The following SNX27 variants were observed in gnomAD, a reference collection of about 807,000 sequenced individuals.
SNX27 encodes the protein sorting nexin-27.
In SNX27, 22 loss-of-function variants were observed where a neutral mutation model predicts 71.6. The ratio of observed to expected loss-of-function variants is 0.31; its 90% CI spans 0.22 to 0.44. The LOEUF (loss-of-function observed/expected upper bound fraction) is 0.44, where lower values mean the gene tolerates loss of function less well. Among genes scored for constraint, SNX27 ranks in the 20% least tolerant of loss-of-function variants. SNX27 has a pLI of 1.00. For missense variants in SNX27, 531 were observed against 698.6 expected (o/e 0.76, Z 2.70); for synonymous variants, 269 against 277.2 (o/e 0.97, Z 0.29).
At position 151,693,534 on chromosome 1, in the gene SNX27, A is replaced by C. The variant is rs1285472434; in HGVS notation, c.1578+51A>C. 6.2e-6 allele frequency: 10 copies of C among 1,613,104 alleles called. No homozygotes were observed. In the South Asian group the frequency reaches 1.1e-4, roughly 18 times the overall value. ...ACCTTTTCATCTTTTTGTTTCTTTAAAATTTATAGGCCTGTGGCCAAATAC... is the reference window on the plus strand; with the variant it reads ...ACCTTTTCATCTTTTTGTTTCTTTACAATTTATAGGCCTGTGGCCAAATAC... On this transcript the variant is annotated intron_variant, in intron 11 of 11. Transcript: ENST00000458013.
At chr1:151,688,623 C>A (rs1336367150) in intron 8 of SNX27, among the ~76,000 whole-genome samples, 3 of 129,622 alleles carry the variant, frequency 2.3e-5, no homozygotes, top group Non-Finnish European at 4.7e-5. Context: ...CAGAGTGAGA[C>A]TCTGTCTCAA....
intron 1 of SNX27, among the ~76,000 whole-genome samples, chr1:151,616,048 C>A (rs890526035): frequency 2.0e-5 from 3 of 152,190 alleles, no homozygotes; most frequent in Non-Finnish European, 4.4e-5. Context: ...AATTTTACTG[C>A]AGATGGAAAG....
At position 151,696,555 on chromosome 1, in the gene SNX27, C is replaced by A. The variant is rs539648079; in HGVS notation, c.*2138C>A. On this transcript the variant is annotated 3_prime_UTR_variant, in exon 12 of 12. Coordinates refer to ENST00000458013, the MANE Select transcript of SNX27 (RefSeq NM_001330723.2). ...TTTCTTTCTTTCTTTCTCTTTCTTT[C>A]TTTTGCTTTCCTTCTTTCATCTCTT... The A allele has an allele frequency of 2.0e-4, 28 of 140,602 alleles. No homozygotes were observed. The highest frequency in any genetic ancestry group is 7.4e-4 in the African/African-American group (28 of 37,590). 8.7% of individuals were successfully genotyped at this position (140,602 alleles called of 1,614,324 possible).
intron 8 of SNX27, among the ~76,000 whole-genome samples, chr1:151,687,623 T>G (rs1671238210): frequency 6.6e-6 from 1 of 152,074 alleles, no homozygotes; most frequent in Non-Finnish European, 1.5e-5. Context: ...TCACCTAAAG[T>G]GTTCTGCTCT....
intron 3 of SNX27, chr1:151,660,324 C>A (rs1271467049): frequency 4.0e-5 from 6 of 151,668 alleles, no homozygotes; most frequent in African/African-American, 1.5e-4. Flanking sequence ...AATTACCTAC[C>A]CCAGTTTTCC....
intron 8 of SNX27, among the ~76,000 whole-genome samples, chr1:151,690,388 G>A (rs1314914318): frequency 1.3e-5 from 2 of 151,970 alleles, no homozygotes; most frequent in East Asian, 1.9e-4. Flanking sequence ...TTTTTTAGCT[G>A]TCATTTATTA....
At chr1:151,675,192 C>T (rs1342371231) in intron 7 of SNX27, among the ~76,000 whole-genome samples, 2 of 151,706 alleles carry the variant, frequency 1.3e-5, no homozygotes, top group African/African-American at 4.8e-5. Flanking sequence ...CTTATATATC[C>T]GTGTTCCAGA....
chr1:151,631,273 C>T (rs1668219617), intron 1 of SNX27, among the ~76,000 whole-genome samples: 1 of 152,086 alleles, frequency 6.6e-6, no homozygotes, highest in Non-Finnish European at 1.5e-5. Flanking sequence ...TCTCATATGC[C>T]AGGGGTCTTT....
chr1:151,645,601 T>G (rs183944555), intron 2 of SNX27, among the ~76,000 whole-genome samples: 1 of 152,346 alleles, frequency 6.6e-6, no homozygotes, highest in East Asian at 1.9e-4. Context: ...ATACATGTGG[T>G]GTTTATTCTT....
chr1:151,682,556 T>TGTGATTCACCCGCCTC (rs1671014438), intron 7 of SNX27, among the ~76,000 whole-genome samples: 1 of 151,984 alleles, frequency 6.6e-6, no homozygotes, highest in Non-Finnish European at 1.5e-5. Flanking sequence ...CTCCTGACCT[T>TGTGATTCACCCGCCTC]GTGATTCACC....
At chr1:151,658,738 C>T (rs1234907123) in intron 3 of SNX27, among the ~76,000 whole-genome samples, 1 of 152,146 alleles carries the variant, frequency 6.6e-6, no homozygotes, top group Non-Finnish European at 1.5e-5. Context: ...GGCTGGAGTG[C>T]AGTGGCACGA....
Position 151,697,358 on chromosome 1 carries a change from A to T in SNX27, c.*2941A>T, listed in dbSNP as rs1429911625. 1 of 152,388 alleles carries T rather than the reference A, an allele frequency of 6.6e-6. No homozygotes were observed. Among genetic ancestry groups the T allele is most frequent in the South Asian group, 2.1e-4 (1 of 4,832 alleles). The allele number at this position is 152,388 out of a possible 1,614,324, so 9.4% of individuals were successfully genotyped here. On this transcript the variant is annotated 3_prime_UTR_variant, in exon 12 of 12. Transcript: ENST00000458013. The stretch of plus-strand genomic sequence containing the variant: ...GAATGCTGACCTTCAGACATGAGAC[A>T]TAGGGATTTGGAGGCCCCTTAGAAT...
intron 7 of SNX27, among the ~76,000 whole-genome samples, chr1:151,669,609 C>T (rs1181514073): frequency 6.6e-6 from 1 of 152,230 alleles, no homozygotes; most frequent in African/African-American, 2.4e-5. Flanking sequence ...CACAGCTGGC[C>T]TTCTGGGATT....
Position 151,692,602 on chromosome 1 carries a change from G to A in SNX27, c.1389+18G>A. 1 of 1,604,654 alleles carries A rather than the reference G, an allele frequency of 6.2e-7. No individual in the cohort carries two copies. Among genetic ancestry groups the A allele is most frequent in the Non-Finnish European group, 8.5e-7 (1 of 1,177,182 alleles). On this transcript the variant is annotated intron_variant, in intron 9 of 11. Transcript: ENST00000458013. The stretch of plus-strand genomic sequence containing the variant: ...AGCTGGAGGTGAGTTTTCAGCATAG[G>A]GCTCTGGCTGCGAGGACTGGAGATA...
intron 5 of SNX27, 24 bp from the exon 6 acceptor site, chr1:151,665,909 C>T: frequency 1.3e-6 from 2 of 1,569,330 alleles, no homozygotes; most frequent in South Asian, 1.2e-5. Flanking sequence ...TTTCTTGAAA[C>T]CAATCTATCC....
In SNX27 at chr1:151,614,686, T is replaced by C. The variant is rs552043396; in HGVS notation, c.311+2174T>C. On this transcript the variant is annotated intron_variant, in intron 1 of 11. Coordinates refer to ENST00000458013, the MANE Select transcript of SNX27 (RefSeq NM_001330723.2). Reference sequence around the variant, plus strand: ...ATTTGTGGCTGATGTTTTCTTCCAATAGAAGGTCTCAGAATTGTCACTTTC... The same window carrying C: ...ATTTGTGGCTGATGTTTTCTTCCAACAGAAGGTCTCAGAATTGTCACTTTC... Among the ~76,000 whole-genome samples the C allele has an allele frequency of 3.3e-5, 5 of 152,360 alleles. No homozygotes were observed. In the South Asian group the frequency reaches 8.3e-4, roughly 25 times the overall value.
chr1:151,672,588 G>A (rs1421041792), intron 7 of SNX27, among the ~76,000 whole-genome samples: 1 of 151,976 alleles, frequency 6.6e-6, no homozygotes, highest in South Asian at 2.1e-4. Flanking sequence ...TTCTTTAAAT[G>A]TCTGATAGAA....
At chr1:151,671,465 C>T (rs11577975) in intron 7 of SNX27, among the ~76,000 whole-genome samples, 1 of 151,986 alleles carries the variant, frequency 6.6e-6, no homozygotes, top group African/African-American at 2.4e-5. Context: ...GCTTGAACTC[C>T]TAGGCTCAAG....
chr1:151,692,432 T>TTTTTACC lies in SNX27; in HGVS notation c.1240-3_1240-2insTTTTACC. 1 of 1,452,072 alleles carries TTTTTACC rather than the reference T, an allele frequency of 6.9e-7. No individual in the cohort carries two copies. Among genetic ancestry groups the TTTTTACC allele is most frequent in the Non-Finnish European group, 9.1e-7 (1 of 1,101,930 alleles). 89.9% of individuals were successfully genotyped at this position (1,452,072 alleles called of 1,614,324 possible). A position where few individuals can be genotyped will look rare whatever the true frequency, so the allele number is the denominator to read the frequency against. On this transcript the variant is annotated splice_polypyrimidine_tract_variant and splice_region_variant and intron_variant, in intron 8 of 11. Coordinates refer to ENST00000458013, the MANE Select transcript of SNX27 (RefSeq NM_001330723.2). The stretch of plus-strand genomic sequence containing the variant: ...TTTTTTTTTTTTTTTTTTTTTTTTT[T>TTTTTACC]AGTACCTCAACATGCTAAGGACTTG...
Sources: allele counts gnomAD v4.1 joint callset (sites outside exome capture counted in the v4.1 genomes callset), GRCh38; gene constraint gnomAD v4.1.1; transcripts MANE v1.5; gene names NCBI Gene and HGNC (gene_info 2026-07-23, HGNC 2026-07-21).